The following ZBED6 variants were observed in gnomAD, a reference collection of about 807,000 sequenced individuals.
ZBED6 encodes zinc finger BED domain-containing protein 6.
A neutral mutation model predicts 58.4 loss-of-function variants in ZBED6; 40 were observed. The ratio of observed to expected loss-of-function variants is 0.68; its 90% confidence interval spans 0.53 to 0.89. The LOEUF (loss-of-function observed/expected upper bound fraction) is 0.89. Among genes scored for constraint, ZBED6 ranks in the 40% least tolerant of loss-of-function variants. ZBED6 has a pLI of 0.00. For missense variants in ZBED6, 1,057 were observed against 1,003.9 expected (o/e 1.05, Z -0.71); for synonymous variants, 439 against 350.6 (o/e 1.25, Z -2.82).
chr1:203,834,091 A>T, intron 9 of ZBED6: 2 of 1,182,156 alleles, frequency 1.7e-6, no homozygotes, highest in Non-Finnish European at 2.1e-6. Context: ...AAGGAACTAG[A>T]TTTTAAAAAT....
At chr1:203,801,033 G>T (rs550695876) in exon 1 of ZBED6, 1 of 152,182 alleles carries the variant, frequency 6.6e-6, no homozygotes, top group Admixed American at 6.5e-5. Context: ...TTTAGAATTG[G>T]ATCTTATATA....
intron 6 of ZBED6, 58 bp from the exon 7 acceptor site, chr1:203,830,065 T>TA: frequency 7.0e-7 from 1 of 1,438,670 alleles, no homozygotes; most frequent in Non-Finnish European, 9.7e-7. Context: ...TATGTACAGA[T>TA]AAAATACAAA....
exon 1 of ZBED6, chr1:203,798,542 T>C (rs1319902729): frequency 6.5e-7 from 1 of 1,536,104 alleles, no homozygotes; most frequent in South Asian, 1.2e-5. Context: ...CTGAGAGAAG[T>C]GATCTCTTGA....
At chr1:203,841,439 A>C (rs2103261173) in intron 11 of ZBED6, among the ~76,000 whole-genome samples, 1 of 152,306 alleles carries the variant, frequency 6.6e-6, no homozygotes, top group Admixed American at 6.5e-5. Context: ...CTGTGTGGAC[A>C]CAGCACATGT....
At chr1:203,829,341 TA>T in intron 4 of ZBED6, 109 bp from the exon 5 acceptor site, 1 of 1,105,144 alleles carries the variant, frequency 9.0e-7, no homozygotes, top group Non-Finnish European at 1.3e-6. Flanking sequence ...AAATTTAGTA[TA>T]AATGCTCATA....
At chr1:203,807,919 T>C (rs996864705) in intron 1 of ZBED6, among the ~76,000 whole-genome samples, 3 of 152,028 alleles carry the variant, frequency 2.0e-5, no homozygotes, top group Admixed American at 2.0e-4. Flanking sequence ...TTTTTTAATT[T>C]AGTGTAGAAA....
chr1:203,850,247 T>C (rs564293628), intron 14 of ZBED6: 7 of 653,040 alleles, frequency 1.1e-5, no homozygotes, highest in Admixed American at 3.0e-5. Flanking sequence ...TGTAAAACTT[T>C]CTATGGTGCA....
At chr1:203,805,849 G>A (rs1672142126) in intron 1 of ZBED6, 1 of 903,016 alleles carries the variant, frequency 1.1e-6, no homozygotes, top group Non-Finnish European at 1.8e-6. Flanking sequence ...GATTTCATTT[G>A]CATCTTCCAT....
intron 13 of ZBED6, 46 bp from the exon 14 acceptor site, chr1:203,849,664 TA>T: frequency 6.4e-7 from 1 of 1,572,188 alleles, no homozygotes; most frequent in South Asian, 1.1e-5. Context: ...TCATACAGGT[TA>T]TTAGAGGTAC....
chr1:203,848,817 A>G lies in ZBED6; in HGVS notation c.*4322+410A>G, dbSNP rs116509478. On this transcript the variant is annotated intron_variant, in intron 13 of 16. Transcript: ENST00000550078. The stretch of plus-strand genomic sequence containing the variant: ...GCTATGCATCATACAAAAGTTGGAA[A>G]TTTTATTTTTTTTAAAACTGAACAA... 8.1e-3 allele frequency among the ~76,000 whole-genome samples: 1,233 copies of G among 152,284 alleles called. 9 individuals are homozygous for G. The highest frequency in any genetic ancestry group is 0.024 in the Middle Eastern group (7 of 294).
chr1:203,820,533 A>G (rs1678253669), intron 3 of ZBED6, among the ~76,000 whole-genome samples: 1 of 149,030 alleles, frequency 6.7e-6, no homozygotes. Context: ...GCTGGAGTGC[A>G]GTGGTGGGAT....
At chr1:203,821,332 TC>T (rs1678619892) in intron 3 of ZBED6, among the ~76,000 whole-genome samples, 1 of 152,140 alleles carries the variant, frequency 6.6e-6, no homozygotes, top group Non-Finnish European at 1.5e-5. Flanking sequence ...TAAATAAATT[TC>T]CCAGTCTCAG....
rs774811895 is a variant in ZBED6 at position 203,848,320 on chromosome 1, T to C, written c.*4246-11T>C. On this transcript the variant is annotated splice_polypyrimidine_tract_variant and intron_variant, in intron 12 of 16. Transcript: ENST00000550078. ...ATAAAATAACTAATGATGTCTTTAA[T>C]GTGAATACAGGGATGAAAGAAGAGA... The C allele has an allele frequency of 1.4e-5, 22 of 1,607,068 alleles. No homozygotes were observed. The South Asian group carries it at 2.3e-4, about 17-fold the overall frequency.
chr1:203,804,221 G>C (rs1471920548), intron 1 of ZBED6, among the ~76,000 whole-genome samples: 1 of 147,478 alleles, frequency 6.8e-6, no homozygotes, highest in East Asian at 2.0e-4. Flanking sequence ...GCGTGATCTC[G>C]ATTCACTGCA....
intron 7 of ZBED6, among the ~76,000 whole-genome samples, chr1:203,831,201 C>T (rs1187759380): frequency 6.6e-6 from 1 of 151,790 alleles, no homozygotes; most frequent in African/African-American, 2.4e-5. Flanking sequence ...CGCCCAGCCC[C>T]CAGCCTTAAA....
chr1:203,849,603 T>A (rs991142391), intron 13 of ZBED6, 108 bp from the exon 14 acceptor site: 3 of 1,057,344 alleles, frequency 2.8e-6, no homozygotes, highest in African/African-American at 3.2e-5. Flanking sequence ...TCTCTCAGAT[T>A]CTGGATCATG....
intron 1 of ZBED6, among the ~76,000 whole-genome samples, chr1:203,808,753 G>T (rs888793866): frequency 6.6e-6 from 1 of 152,002 alleles, no homozygotes; most frequent in African/African-American, 2.4e-5. Flanking sequence ...TGAAGGTAGG[G>T]GCTGGAAATT....
At chr1:203,807,085 T>C (rs1490173643) in intron 1 of ZBED6, among the ~76,000 whole-genome samples, 1 of 152,060 alleles carries the variant, frequency 6.6e-6, no homozygotes, top group Non-Finnish European at 1.5e-5. Flanking sequence ...GGTCTCATTG[T>C]GTTGCCCAGG....
At chr1:203,826,692 G>A (rs1185178400) in intron 3 of ZBED6, among the ~76,000 whole-genome samples, 1 of 152,094 alleles carries the variant, frequency 6.6e-6, no homozygotes, top group Non-Finnish European at 1.5e-5. Flanking sequence ...AAATTTCAAT[G>A]CTGGTGTTTT....
Sources: allele counts gnomAD v4.1 joint callset (sites outside exome capture counted in the v4.1 genomes callset), GRCh38; gene constraint gnomAD v4.1.1; transcripts MANE v1.5; gene names NCBI Gene and HGNC (gene_info 2026-07-23, HGNC 2026-07-21).